Variants in SDHAF3 observed in about 807,000 individuals in gnomAD.
SDHAF3 encodes the protein succinate dehydrogenase complex assembly factor 3.
SDHAF3 carries 18 observed loss-of-function variants against 11.5 expected under a neutral mutation model. The ratio of observed to expected loss-of-function variants is 1.56; its 90% confidence interval spans 1.08 to 2.32. The LOEUF is 2.32. SDHAF3 is among the 30% of genes most tolerant of loss of function. The probability of loss-of-function intolerance (pLI) is 0.00; values close to 1 mark genes in which losing one functional copy is unlikely to be tolerated. For missense variants in SDHAF3, 200 were observed against 154.4 expected (o/e 1.30, Z -1.57); for synonymous variants, 72 against 59.3 (o/e 1.21, Z -0.99).
At chr7:97,134,714 TG>T (rs1179952616) in intron 1 of SDHAF3, among the ~76,000 whole-genome samples, 2 of 152,228 alleles carry the variant, frequency 1.3e-5, no homozygotes, top group African/African-American at 4.8e-5. Context: ...CCCAAAGTGC[TG>T]GGGTTACAGG....
intron 1 of SDHAF3, among the ~76,000 whole-genome samples, chr7:97,171,091 T>TAATTC (rs1356982004): frequency 6.6e-6 from 1 of 152,174 alleles, no homozygotes; most frequent in Non-Finnish European, 1.5e-5. Context: ...TTAGTTATTG[T>TAATTC]AATTCAGGTA....
chr7:97,130,401 C>A (rs797003724), intron 1 of SDHAF3, among the ~76,000 whole-genome samples: 1 of 152,106 alleles, frequency 6.6e-6, no homozygotes, highest in Non-Finnish European at 1.5e-5. Context: ...GCCTACCAAA[C>A]TGGGGCATGT....
intron 1 of SDHAF3, among the ~76,000 whole-genome samples, chr7:97,122,050 G>T (rs537039530): frequency 3.3e-5 from 5 of 152,026 alleles, no homozygotes; most frequent in Non-Finnish European, 7.4e-5. Context: ...GTAGAGATGG[G>T]GTTTCACTGT....
At chr7:97,163,087 T>C (rs1789438779) in intron 1 of SDHAF3, among the ~76,000 whole-genome samples, 1 of 152,080 alleles carries the variant, frequency 6.6e-6, no homozygotes, top group Non-Finnish European at 1.5e-5. Context: ...ATATTTAAGA[T>C]AGCTCTTCTT....
chr7:97,163,847 G>A (rs1789454811), intron 1 of SDHAF3, among the ~76,000 whole-genome samples: 1 of 152,040 alleles, frequency 6.6e-6, no homozygotes, highest in South Asian at 2.1e-4. Context: ...AAGCAGGCCT[G>A]GTGGTGACAA....
intron 1 of SDHAF3, among the ~76,000 whole-genome samples, chr7:97,165,051 G>GA (rs1194098729): frequency 6.6e-6 from 1 of 152,142 alleles, no homozygotes; most frequent in Non-Finnish European, 1.5e-5. Context: ...TTGGGAGGCT[G>GA]AGGTGGGCAG....
intron 1 of SDHAF3, among the ~76,000 whole-genome samples, chr7:97,127,763 G>A (rs893746135): frequency 6.6e-6 from 1 of 152,080 alleles, no homozygotes; most frequent in African/African-American, 2.4e-5. Context: ...ATGTGTCAGG[G>A]ATACATTTCC....
rs186918321 is a variant in SDHAF3, at chr7:97,129,023, T to C, written c.174+11126T>C. Among the ~76,000 whole-genome samples, 313 of 152,268 alleles carry C rather than the reference T, an allele frequency of 2.1e-3. 1 individual carries two copies. The highest frequency in any genetic ancestry group is 7.1e-3 in the African/African-American group (297 of 41,548). On this transcript the variant is annotated intron_variant, in intron 1 of 1. Transcript: ENST00000432641. ...AGTAGTAGATACATATGGCTTAGAATAATTAATTAGTGTAGAAGGGCTTAT... is the reference window on the plus strand; with the variant it reads ...AGTAGTAGATACATATGGCTTAGAACAATTAATTAGTGTAGAAGGGCTTAT...
At chr7:97,123,652 C>T (rs1038930337) in intron 1 of SDHAF3, among the ~76,000 whole-genome samples, 2 of 152,146 alleles carry the variant, frequency 1.3e-5, no homozygotes, top group African/African-American at 4.8e-5. Flanking sequence ...TCCTCTCCAG[C>T]ATCTGTAGTT....
chr7:97,151,143 C>T (rs1208619145), intron 1 of SDHAF3, among the ~76,000 whole-genome samples: 5 of 151,960 alleles, frequency 3.3e-5, no homozygotes, highest in Non-Finnish European at 5.9e-5. Context: ...GTAGGGGTGA[C>T]GGGAACTTTT....
At chr7:97,123,974 T>G (rs1791537816) in intron 1 of SDHAF3, among the ~76,000 whole-genome samples, 1 of 152,152 alleles carries the variant, frequency 6.6e-6, no homozygotes, top group South Asian at 2.1e-4. Context: ...GGTAGTTTCT[T>G]TTGCTGAGCA....
intron 1 of SDHAF3, among the ~76,000 whole-genome samples, chr7:97,158,795 G>A (rs951259861): frequency 6.6e-6 from 1 of 152,154 alleles, no homozygotes; most frequent in Non-Finnish European, 1.5e-5. Context: ...TTTAACTTTA[G>A]CTAACTTTTT....
At chr7:97,158,696 A>T (rs1159286353) in intron 1 of SDHAF3, among the ~76,000 whole-genome samples, 2 of 152,210 alleles carry the variant, frequency 1.3e-5, no homozygotes, top group Non-Finnish European at 2.9e-5. Flanking sequence ...AAAAATAATT[A>T]AAAAATAATA....
In SDHAF3 at chr7:97,175,541, T is replaced by G. The variant is rs1789666931; in HGVS notation, c.175-5471T>G. ...TAAAAACTAAGCAGTCCTCTTGCCT[T>G]GGCCTCCCAAAGCTCTGGGATTACA... On this transcript the variant is annotated intron_variant, in intron 1 of 1. Transcript: ENST00000432641. Among the ~76,000 whole-genome samples the G allele has an allele frequency of 3.3e-5, 5 of 152,304 alleles. No individual in the cohort carries two copies. In the South Asian group the frequency reaches 1.0e-3, roughly 32 times the overall value.
chr7:97,148,735 C>A (rs1471264483), intron 1 of SDHAF3, among the ~76,000 whole-genome samples: 1 of 152,036 alleles, frequency 6.6e-6, no homozygotes, highest in African/African-American at 2.4e-5. Flanking sequence ...TATTGCTTTA[C>A]TTTTTATATG....
intron 1 of SDHAF3, among the ~76,000 whole-genome samples, chr7:97,130,876 T>G (rs1791660368): frequency 6.6e-6 from 1 of 152,330 alleles, no homozygotes; most frequent in South Asian, 2.1e-4. Context: ...TGTATGCTGA[T>G]TGGTCCATGG....
At chr7:97,165,519 A>G (rs1343642166) in intron 1 of SDHAF3, among the ~76,000 whole-genome samples, 2 of 152,120 alleles carry the variant, frequency 1.3e-5, no homozygotes, top group Non-Finnish European at 2.9e-5. Flanking sequence ...TTGTGATTGA[A>G]GAATTTAAAT....
chr7:97,162,263 T>A (rs1223541962), intron 1 of SDHAF3, among the ~76,000 whole-genome samples: 1 of 152,126 alleles, frequency 6.6e-6, no homozygotes, highest in African/African-American at 2.4e-5. Flanking sequence ...CTTTGCCCAT[T>A]TTTTTGATGG....
At chr7:97,164,233 C>CT (rs148658215) in intron 1 of SDHAF3, among the ~76,000 whole-genome samples, 2,419 of 143,930 alleles carry the variant, frequency 0.017, 57 homozygotes, top group African/African-American at 0.055. Flanking sequence ...CGCCTGGCCT[C>CT]TTTTTTTTTT....
Sources: gnomAD v4.1 joint callset for allele counts (sites outside exome capture counted in the v4.1 genomes callset) on GRCh38, gnomAD v4.1.1 for gene constraint, MANE v1.5 for transcripts, NCBI Gene and HGNC (gene_info 2026-07-23, HGNC 2026-07-21) for gene names.